The following BMPER variants were observed in gnomAD, a reference collection of about 807,000 sequenced individuals.
BMPER encodes the protein BMP-binding endothelial regulator protein.
A neutral mutation model predicts 87.3 loss-of-function variants in BMPER; 45 were observed. The observed-to-expected ratio is 0.52, with a 90% CI of 0.41 to 0.66. The LOEUF (loss-of-function observed/expected upper bound fraction) is 0.66, where lower values mean the gene tolerates loss of function less well. Among genes scored for constraint, BMPER ranks in the 30% least tolerant of loss-of-function variants. The pLI, the probability that BMPER is intolerant of heterozygous loss-of-function variation, is 0.00. For missense variants in BMPER, 784 were observed against 867.5 expected (o/e 0.90, Z 1.21); for synonymous variants, 326 against 316.2 (o/e 1.03, Z -0.33).
At chr7:33,962,545 C>G (rs1319447137) in intron 3 of BMPER, among the ~76,000 whole-genome samples, 1 of 152,142 alleles carries the variant, frequency 6.6e-6, no homozygotes, top group Non-Finnish European at 1.5e-5. Context: ...CTATAGTGCT[C>G]CATATCTTCC....
At chr7:34,083,148 T>C (rs186566930) in intron 12 of BMPER, among the ~76,000 whole-genome samples, 64 of 152,352 alleles carry the variant, frequency 4.2e-4, no homozygotes, top group Non-Finnish European at 7.9e-4. Context: ...GGGTAATTCA[T>C]TTATTTACTG....
chr7:34,064,411 C>T (rs1321147395), intron 11 of BMPER, among the ~76,000 whole-genome samples: 1 of 152,136 alleles, frequency 6.6e-6, no homozygotes, highest in Non-Finnish European at 1.5e-5. Context: ...ATTATATTAT[C>T]AGTTTATTCA....
At chr7:33,957,697 C>T (rs540255510) in intron 3 of BMPER, among the ~76,000 whole-genome samples, 1 of 152,236 alleles carries the variant, frequency 6.6e-6, no homozygotes, top group East Asian at 1.9e-4. Context: ...AGAGTTAACA[C>T]TGGAGGAGGT....
At chr7:34,153,052 C>G (rs746319098) in intron 14 of BMPER, 40 bp from the exon 15 acceptor site, 46 of 1,611,878 alleles carry the variant, frequency 2.9e-5, no homozygotes, top group Non-Finnish European at 3.8e-5. Context: ...TTAATGGGGC[C>G]TTTCTCCATG....
chr7:34,120,636 G>A (rs971223929), intron 13 of BMPER, among the ~76,000 whole-genome samples: 2 of 152,196 alleles, frequency 1.3e-5, no homozygotes, highest in African/African-American at 4.8e-5. Context: ...GACCTCAAAT[G>A]ATCTGCCCAC....
intron 5 of BMPER, 70 bp from the exon 6 acceptor site, chr7:33,974,632 A>T (rs1785637031): frequency 2.7e-6 from 4 of 1,459,308 alleles, no homozygotes; most frequent in Non-Finnish European, 3.8e-6. Context: ...TGAACTGTGG[A>T]TAGAAGGATT....
intron 3 of BMPER, among the ~76,000 whole-genome samples, chr7:33,938,251 C>A (rs1784659780): frequency 6.6e-6 from 1 of 152,184 alleles, no homozygotes; most frequent in African/African-American, 2.4e-5. Context: ...TCTGGAGTCA[C>A]CCTGCCGAGT....
At chr7:34,093,049 G>A (rs1789432808) in intron 13 of BMPER, among the ~76,000 whole-genome samples, 1 of 152,190 alleles carries the variant, frequency 6.6e-6, no homozygotes, top group African/African-American at 2.4e-5. Context: ...AAGTTTAGAG[G>A]TGATCCCAGA....
chr7:34,099,536 AT>A (rs980163256), intron 13 of BMPER, among the ~76,000 whole-genome samples: 5 of 152,262 alleles, frequency 3.3e-5, no homozygotes, highest in African/African-American at 1.2e-4. Flanking sequence ...TGTTGACTGA[AT>A]TTTTAAATAA....
rs775452388 is a variant in BMPER, at chr7:34,046,296, C to G, written c.577-10C>G. On this transcript the variant is annotated splice_polypyrimidine_tract_variant and intron_variant, in intron 6 of 14. Coordinates refer to ENST00000649409, the MANE Select transcript of BMPER (RefSeq NM_001365308.1). ...TTCTAAATATGCTTTTTTTTTCTCT[C>G]TTTTCTTAGGGAGGCAGGACACAAT... 6 of 1,610,284 alleles carry G rather than the reference C, an allele frequency of 3.7e-6. No individual in the cohort carries two copies. Among genetic ancestry groups the G allele is most frequent in the South Asian group, 2.2e-5 (2 of 91,010 alleles).
At chr7:34,152,026 C>T (rs183883515) in intron 14 of BMPER, among the ~76,000 whole-genome samples, 59 of 152,290 alleles carry the variant, frequency 3.9e-4, no homozygotes, top group African/African-American at 1.4e-3. Flanking sequence ...CATTTTGTGG[C>T]AACTCTAAAT....
intron 4 of BMPER, 54 bp from the exon 5 acceptor site, chr7:33,970,275 A>T: frequency 6.4e-7 from 1 of 1,566,150 alleles, no homozygotes; most frequent in Admixed American, 1.7e-5. Flanking sequence ...TTCCAAAAGT[A>T]GTAACTCCGT....
At chr7:33,939,036 CA>C (rs933576530) in intron 3 of BMPER, among the ~76,000 whole-genome samples, 2 of 150,032 alleles carry the variant, frequency 1.3e-5, no homozygotes, top group Non-Finnish European at 3.0e-5. Flanking sequence ...AAAAACAAAA[CA>C]AAAAAAAAGA....
intron 14 of BMPER, among the ~76,000 whole-genome samples, chr7:34,149,052 G>A (rs950135828): frequency 6.6e-6 from 1 of 152,092 alleles, no homozygotes; most frequent in Non-Finnish European, 1.5e-5. Flanking sequence ...CATGCATTGA[G>A]CTGCTCCCCC....
At chr7:33,971,567 C>T (rs1020562250) in intron 5 of BMPER, among the ~76,000 whole-genome samples, 4 of 152,312 alleles carry the variant, frequency 2.6e-5, no homozygotes, top group African/African-American at 9.6e-5. Flanking sequence ...GAGTGCTTTT[C>T]TCTCTGAATG....
chr7:34,152,725 A>G (rs1317209376), intron 14 of BMPER, among the ~76,000 whole-genome samples: 2 of 152,202 alleles, frequency 1.3e-5, no homozygotes, highest in East Asian at 3.9e-4. Context: ...AAATATTCCT[A>G]TTCATCACAG....
Position 34,081,677 on chromosome 7 carries a change from G to A in BMPER, c.1408+2491G>A, listed in dbSNP as rs1420207817. Among the ~76,000 whole-genome samples the A allele has an allele frequency of 2.0e-5, 3 of 152,164 alleles. 1 individual carries two copies. The highest frequency in any genetic ancestry group is 2.0e-4 in the Admixed American group (3 of 15,282). On this transcript the variant is annotated intron_variant, in intron 12 of 14. Coordinates refer to ENST00000649409, the MANE Select transcript of BMPER (RefSeq NM_001365308.1). ...TCTGTTCACTTCATCAACTTTACCT[G>A]AAAGAATTACATCACATCTACCTGA... is the stretch of plus-strand genomic sequence containing the variant.
At chr7:33,980,475 C>G (rs765066534) in intron 6 of BMPER, among the ~76,000 whole-genome samples, 1 of 152,180 alleles carries the variant, frequency 6.6e-6, no homozygotes, top group Non-Finnish European at 1.5e-5. Flanking sequence ...GCTTTGTGTG[C>G]CTTTGTTCAG....
intron 4 of BMPER, among the ~76,000 whole-genome samples, chr7:33,969,062 T>G (rs1278793274): frequency 6.6e-6 from 1 of 152,186 alleles, no homozygotes; most frequent in Non-Finnish European, 1.5e-5. Context: ...CATAACCAAT[T>G]CTCCAGTGAG....
Sources: gnomAD v4.1 joint callset for allele counts (sites outside exome capture counted in the v4.1 genomes callset) on GRCh38, gnomAD v4.1.1 for gene constraint, MANE v1.5 for transcripts, NCBI Gene and HGNC (gene_info 2026-07-23, HGNC 2026-07-21) for gene names.